The following DNMT3A variants were observed in gnomAD, a reference collection of about 807,000 sequenced individuals.
The protein encoded by DNMT3A is DNA methyltransferase 3 alpha.
In DNMT3A, 267 loss-of-function variants were observed where a neutral mutation model predicts 117.6. The ratio of observed to expected loss-of-function variants is 2.27; its 90% CI spans 2.05 to 2.51. DNMT3A has a LOEUF of 2.51. DNMT3A is among the 30% of genes most tolerant of loss of function. The pLI is 0.00. For missense variants in DNMT3A, 1,029 were observed against 1,260.2 expected, an observed-to-expected ratio of 0.82 and a Z score of 2.78; for synonymous variants, 432 against 474.8, an observed-to-expected ratio of 0.91 and a Z score of 1.17.
chr2:25,269,536 A>G (rs2030679036), intron 6 of DNMT3A, among the ~76,000 whole-genome samples: 1 of 152,156 alleles, frequency 6.6e-6, no homozygotes, highest in African/African-American at 2.4e-5. Context: ...ACACCCTTCT[A>G]TTAGAGGACT....
chr2:25,240,526 G>A, intron 18 of DNMT3A, 76 bp from the exon 19 acceptor site: 2 of 1,580,568 alleles, frequency 1.3e-6, no homozygotes, highest in East Asian at 4.5e-5. Flanking sequence ...CACGGGGAGG[G>A]CACGGGAAGA....
At chr2:25,299,510 C>G (rs2033296073) in intron 3 of DNMT3A, among the ~76,000 whole-genome samples, 1 of 152,232 alleles carries the variant, frequency 6.6e-6, no homozygotes, top group Admixed American at 6.5e-5. Context: ...GCCTGGGATT[C>G]TGGCAGGCCC....
At chr2:25,332,993 G>A (rs1245309715) in intron 1 of DNMT3A, among the ~76,000 whole-genome samples, 1 of 152,254 alleles carries the variant, frequency 6.6e-6, no homozygotes, top group African/African-American at 2.4e-5. Context: ...GGGAAAGAGG[G>A]CCCAGGCCTT....
At position 25,293,873 on chromosome 2, in the gene DNMT3A, GT is replaced by G. The variant is rs565686647; in HGVS notation, c.177+6265del. On this transcript the variant is annotated intron_variant, in intron 3 of 22. Transcript: ENST00000321117. This position sits in a 1 kb window ranked among gnomAD's most constrained non-coding sequence, Gnocchi z 4.7. Reference sequence around the variant, plus strand: ...TTTAGTAGAGATGGGGTTTTGCCATGTTGGCCAGGCTGGTCTCGAATTCCTG... The same window carrying G: ...TTTAGTAGAGATGGGGTTTTGCCATGTGGCCAGGCTGGTCTCGAATTCCTG... Among the ~76,000 whole-genome samples the G allele has an allele frequency of 4.1e-3, 624 of 152,284 alleles. 4 individuals carry two copies. The highest frequency in any genetic ancestry group is 0.015 in the African/African-American group (606 of 41,548).
In DNMT3A at chr2:25,337,568, G is replaced by T. The variant is rs1409324324; in HGVS notation, c.-178+4258C>A. 6.6e-6 allele frequency among the ~76,000 whole-genome samples: 1 copy of T among 152,146 alleles called. No individual in the cohort carries two copies. The highest frequency in any genetic ancestry group is 1.5e-5 in the Non-Finnish European group (1 of 68,020). ...AGAGTGCAGCTCCCTGTGACTCGAG[G>T]GCCTCAAGCTGCCTTGACACTGGCT... On this transcript the variant is annotated intron_variant, in intron 1 of 22. Transcript: ENST00000321117. The surrounding 1 kb of genome is among the most constrained non-coding windows in gnomAD (Gnocchi z 5.0).
At chr2:25,312,045 G>A (rs1022360064) in intron 2 of DNMT3A, among the ~76,000 whole-genome samples, 11 of 152,280 alleles carry the variant, frequency 7.2e-5, no homozygotes, top group Admixed American at 6.5e-4. Context: ...CCCACCTGTG[G>A]GGAGCAGCTG....
chr2:25,246,469 G>A lies in DNMT3A; in HGVS notation c.1279+151C>T, dbSNP rs1674785645. Reference sequence around the variant, plus strand: ...AACCAACAGAGAGCAGGTCATTCAAGTCCTGACCCCAGGGCAAGAGAGACC... The same window carrying A: ...AACCAACAGAGAGCAGGTCATTCAAATCCTGACCCCAGGGCAAGAGAGACC... On this transcript the variant is annotated intron_variant, in intron 10 of 22. Transcript: ENST00000321117. 2.1e-6 allele frequency: 3 copies of A among 1,426,012 alleles called. No individual in the cohort carries two copies. In the East Asian group the frequency reaches 7.0e-5, roughly 33 times the overall value. The allele number at this position is 1,426,012 out of a possible 1,614,324, so 88.3% of individuals were successfully genotyped here.
In DNMT3A at chr2:25,299,888, G is replaced by A. The variant is rs558062172; in HGVS notation, c.177+251C>T. Among the ~76,000 whole-genome samples, 11 of 152,254 alleles carry A rather than the reference G, an allele frequency of 7.2e-5. No homozygotes were observed. The South Asian group carries it at 1.9e-3, about 26-fold the overall frequency. ...GGAGGTTGCAGTAAGCCGAGATCAC[G>A]CCACTGCACTCCAGCCTGGGCAACA... On this transcript the variant is annotated intron_variant, in intron 3 of 22. Coordinates refer to ENST00000321117, the MANE Select transcript of DNMT3A (RefSeq NM_022552.5).
At chr2:25,244,476 G>C (rs1180717396) in intron 14 of DNMT3A, 64 bp downstream of exon 14, 1 of 1,588,800 alleles carries the variant, frequency 6.3e-7, no homozygotes, top group African/African-American at 1.3e-5. Flanking sequence ...GAGGAGGGGA[G>C]GCGGTGGGCG....
At chr2:25,334,752 G>C (rs1468437488) in intron 1 of DNMT3A, among the ~76,000 whole-genome samples, 1 of 152,148 alleles carries the variant, frequency 6.6e-6, no homozygotes, top group Non-Finnish European at 1.5e-5. Context: ...TAATATCTGC[G>C]ATATTTCTCC....
At chr2:25,266,866 T>C (rs1335905571) in intron 6 of DNMT3A, among the ~76,000 whole-genome samples, 1 of 152,242 alleles carries the variant, frequency 6.6e-6, no homozygotes, top group East Asian at 1.9e-4. Context: ...GTTTGGCAGA[T>C]GTCATAAAAT....
Position 25,240,371 on chromosome 2 carries a change from G to GT in DNMT3A, c.2252_2253insA (p.Phe751LeufsTer6). 1 of 1,614,178 alleles carries GT rather than the reference G, an allele frequency of 6.2e-7. No homozygotes were observed. Among genetic ancestry groups the GT allele is most frequent in the Non-Finnish European group, 8.5e-7 (1 of 1,180,012 alleles). On this transcript the variant is annotated frameshift_variant, in exon 19 of 23. Transcript: ENST00000321117. LOFTEE classifies it high-confidence loss of function. ...CCACCACATTCTCAAAGAGCCAGAA[G>GT]AAGGGGCGATCATCTCCCTCCTTGG...
chr2:25,240,374 GGGGC>G lies in DNMT3A; in HGVS notation c.2246_2249del (p.Arg749ProfsTer29). 6.2e-7 allele frequency: 1 copy of G among 1,614,194 alleles called. No individual in the cohort carries two copies. The highest frequency in any genetic ancestry group is 8.5e-7 in the Non-Finnish European group (1 of 1,180,012). On this transcript the variant is annotated frameshift_variant, in exon 19 of 23. Coordinates refer to ENST00000321117, the MANE Select transcript of DNMT3A (RefSeq NM_022552.5). LOFTEE classifies it high-confidence loss of function. ...CCACATTCTCAAAGAGCCAGAAGAA[GGGGC>G]GATCATCTCCCTCCTTGGGCCGCGC...
rs1675688666 is a variant in DNMT3A at position 25,252,403 on chromosome 2, G to C, written c.640-4151C>G. On this transcript the variant is annotated intron_variant, in intron 6 of 22. Coordinates refer to ENST00000321117, the MANE Select transcript of DNMT3A (RefSeq NM_022552.5). The surrounding 1 kb of genome is among the most constrained non-coding windows in gnomAD (Gnocchi z 5.5). ...TCCAGGTCACGTGGGCCCCGCTGGA[G>C]GGCCTGGTTGGCTGCGAGCGGCCCG... 10 of 523,630 alleles carry C rather than the reference G, an allele frequency of 1.9e-5. No homozygotes were observed. Among genetic ancestry groups the C allele is most frequent in the African/African-American group, 4.0e-5 (2 of 49,764 alleles). 32.4% of individuals were successfully genotyped at this position (523,630 alleles called of 1,614,324 possible). A position where few individuals can be genotyped will look rare whatever the true frequency, so the allele number is the denominator to read the frequency against.
chr2:25,252,655 C>G lies in DNMT3A; in HGVS notation c.640-4403G>C, dbSNP rs937248265. Among the ~76,000 whole-genome samples the G allele has an allele frequency of 6.6e-5, 10 of 152,078 alleles. No homozygotes were observed. Among genetic ancestry groups the G allele is most frequent in the South Asian group, 2.1e-4 (1 of 4,812 alleles). ...GGGAGGGGAGGGAAGGGGCTGCTCCCGAGCCGCCTGCCCGGAGGGAGCCGG... is the reference window on the plus strand; with the variant it reads ...GGGAGGGGAGGGAAGGGGCTGCTCCGGAGCCGCCTGCCCGGAGGGAGCCGG... On this transcript the variant is annotated intron_variant, in intron 6 of 22. Transcript: ENST00000321117. The surrounding 1 kb of genome is among the most constrained non-coding windows in gnomAD (Gnocchi z 5.5).
chr2:25,240,048 G>A (rs908802664), intron 19 of DNMT3A, among the ~76,000 whole-genome samples: 2 of 152,164 alleles, frequency 1.3e-5, no homozygotes, highest in African/African-American at 4.8e-5. Flanking sequence ...CTGATTGAGT[G>A]ACAGGTCCTT....
Position 25,282,657 on chromosome 2 carries a change from T to C in DNMT3A, c.232A>G (p.Met78Val). Residue 78 changes from methionine to valine, a missense_variant, in exon 4 of 23, where the codon ATG becomes GTG. Physicochemically the swap from Met to Val is conservative, Grantham distance 21. Transcript: ENST00000321117. The surrounding 1 kb of genome is among the most constrained non-coding windows in gnomAD (Gnocchi z 5.2). ...TCTGAGGCGCCTGAGTCCTGGGCCA[T>C]GGATGGGGACTTGGAGATCACCGCA... Reference protein sequence around the residue: ...DPAVISKSPSMAQDSGASELL... With the variant: ...DPAVISKSPSVAQDSGASELL... 6.3e-7 allele frequency: 1 copy of C among 1,597,400 alleles called. No individual in the cohort carries two copies. The highest frequency in any genetic ancestry group is 1.1e-5 in the South Asian group (1 of 88,866).
chr2:25,284,809 AT>A (rs995242379), intron 3 of DNMT3A, among the ~76,000 whole-genome samples: 1 of 151,766 alleles, frequency 6.6e-6, no homozygotes, highest in Non-Finnish European at 1.5e-5. Flanking sequence ...TTTCCTATGC[AT>A]TGACAATCAT....
At position 25,311,576 on chromosome 2, in the gene DNMT3A, CTCTA is replaced by C. The variant is rs1184689664; in HGVS notation, c.72+2333_72+2336del. Among the ~76,000 whole-genome samples the C allele has an allele frequency of 6.6e-6, 1 of 152,220 alleles. No individual in the cohort carries two copies. The highest frequency in any genetic ancestry group is 1.5e-5 in the Non-Finnish European group (1 of 68,034). ...CCTCCTGCTGGGGTGTGAGTGTGCA[CTCTA>C]TCAGCACCGGGATCTAGGGCTGGGT... On this transcript the variant is annotated intron_variant, in intron 2 of 22. Transcript: ENST00000321117. The surrounding 1 kb of genome is among the most constrained non-coding windows in gnomAD (Gnocchi z 5.2).
Sources: gnomAD v4.1 joint callset for allele counts (sites outside exome capture counted in the v4.1 genomes callset) on GRCh38, gnomAD v4.1.1 for gene constraint, Gnocchi (gnomAD v3.1) non-coding constraint, MANE v1.5 for transcripts, NCBI Gene and HGNC (gene_info 2026-07-23, HGNC 2026-07-21) for gene names.